Variants in YIPF2 observed in about 807,000 individuals in gnomAD.
The protein encoded by YIPF2 is protein YIPF2.
A neutral mutation model predicts 38.8 loss-of-function variants in YIPF2; 30 were observed. The ratio of observed to expected loss-of-function variants is 0.77; its 90% CI spans 0.58 to 1.05. YIPF2 has a LOEUF of 1.05. Among genes scored for constraint, YIPF2 ranks in the 50% least tolerant of loss-of-function variants. YIPF2 has a pLI of 0.00. For synonymous variants in YIPF2, 194 were observed against 183.8 expected (o/e 1.06, Z -0.45); for missense variants, 401 against 409.7 (o/e 0.98, Z 0.18).
chr19:10,926,228 C>CT (rs900323730), intron 4 of YIPF2, among the ~76,000 whole-genome samples: 71 of 135,492 alleles, frequency 5.2e-4, no homozygotes, highest in East Asian at 6.6e-4. Flanking sequence ...TTTTTTCCCT[C>CT]TTTTTTTTTT....
chr19:10,924,702 C>G (rs902922520), intron 5 of YIPF2, among the ~76,000 whole-genome samples: 3 of 152,098 alleles, frequency 2.0e-5, no homozygotes, highest in African/African-American at 7.2e-5. Flanking sequence ...GCAACTCTAT[C>G]CATCCCGTTA....
chr19:10,925,905 C>CTTT (rs1164644174), intron 4 of YIPF2, 132 bp from the exon 5 acceptor site: 679 of 433,286 alleles, frequency 1.6e-3, no homozygotes, highest in Middle Eastern at 3.5e-3. Context: ...CTTTCCCTCT[C>CTTT]TTTTTTTTTT....
rs747663909 is a variant in YIPF2, at chr19:10,927,624, C to A, written c.279+6G>T. On this transcript the variant is annotated splice_donor_region_variant and intron_variant, in intron 4 of 9. Coordinates refer to ENST00000586748, the MANE Select transcript of YIPF2 (RefSeq NM_001321439.2). The stretch of plus-strand genomic sequence containing the variant: ...AGCCCCATCCCACCTGCCTCCCCAG[C>A]CTGACCTGTGAGGTGTCCACGTCAA... 2.0e-5 allele frequency: 32 copies of A among 1,613,540 alleles called. No homozygotes were observed. Among genetic ancestry groups the A allele is most frequent in the Non-Finnish European group, 2.5e-5 (29 of 1,179,830 alleles).
In YIPF2 at chr19:10,923,325, G is replaced by T; in HGVS notation, c.917C>A (p.Ser306Tyr). The change falls in exon 9 of 10, where the codon TCC becomes TAC. Residue 306 changes from serine (S) to tyrosine (Y), a missense_variant. Coordinates refer to ENST00000586748, the MANE Select transcript of YIPF2 (RefSeq NM_001321439.2). ...GGCCAGGGACTGCGGCAAGGTAGGG[G>T]ACAGCGCGATGTTTGAGGGCAGAGA... is the stretch of plus-strand genomic sequence containing the variant. ...ITSLPSNIAL[S>Y]PTLPQSLAPS The T allele has an allele frequency of 6.2e-7, 1 of 1,613,054 alleles. No individual in the cohort carries two copies.
In YIPF2 at chr19:10,922,414, C is replaced by T. The variant is rs2074270496; in HGVS notation, c.*780G>A. Reference sequence around the variant, plus strand: ...ACCCCACTGTCGGGAAGGCCTCCGTCCTCGGCCCCTGCCTCTTGCTGCTGT... The same window carrying T: ...ACCCCACTGTCGGGAAGGCCTCCGTTCTCGGCCCCTGCCTCTTGCTGCTGT... On this transcript the variant is annotated 3_prime_UTR_variant, in exon 10 of 10. Transcript: ENST00000586748. The T allele has an allele frequency of 6.5e-6, 1 of 152,844 alleles. No individual in the cohort carries two copies. Among genetic ancestry groups the T allele is most frequent in the Non-Finnish European group, 1.5e-5 (1 of 68,260 alleles). The allele number at this position is 152,844 out of a possible 1,614,324, so 9.5% of individuals were successfully genotyped here.
chr19:10,928,420 G>T lies in YIPF2; in HGVS notation c.-10C>A. 7.5e-7 allele frequency: 1 copy of T among 1,338,610 alleles called. No homozygotes were observed. The highest frequency in any genetic ancestry group is 1.5e-5 in the African/African-American group (1 of 65,258). 82.9% of individuals were successfully genotyped at this position (1,338,610 alleles called of 1,614,324 possible). ...CGTCGGCCGATGCCATGGTCGTTCA[G>T]GGGCGTCTCCGCATCCCTCGCTGAG... On this transcript the variant is annotated 5_prime_UTR_variant, in exon 2 of 10. It adds an upstream start codon to the 5' untranslated region. Coordinates refer to ENST00000586748, the MANE Select transcript of YIPF2 (RefSeq NM_001321439.2).
At position 10,923,856 on chromosome 19, in the gene YIPF2, G is replaced by C. The variant is rs896975333; in HGVS notation, c.628C>G (p.Leu210Val). 6.2e-7 allele frequency: 1 copy of C among 1,612,990 alleles called. No homozygotes were observed. The highest frequency in any genetic ancestry group is 1.3e-5 in the African/African-American group (1 of 74,880). Residue 210 changes from leucine to valine, a missense_variant, in exon 7 of 10, where the codon CTC becomes GTC. By Grantham distance (32) the Leu-to-Val change is conservative (BLOSUM62 1). Coordinates refer to ENST00000586748, the MANE Select transcript of YIPF2 (RefSeq NM_001321439.2). ...ACCACCATGGGGATGAAGACAAAGAGGGAGTAGCCGTAGATGCACACAGTC... is the reference window on the plus strand; with the variant it reads ...ACCACCATGGGGATGAAGACAAAGACGGAGTAGCCGTAGATGCACACAGTC... ...LETVCIYGYS[L>V]FVFIPMVVLW...
chr19:10,927,845 C>G lies in YIPF2; in HGVS notation c.146G>C (p.Ser49Thr). 1 of 1,610,728 alleles carries G rather than the reference C, an allele frequency of 6.2e-7. No individual in the cohort carries two copies. The highest frequency in any genetic ancestry group is 8.5e-7 in the Non-Finnish European group (1 of 1,177,736). ...CTCCACCTCATCCTCGGCTCCATAG[C>G]TGCCACCTGAGCCCACGGCCACAGC... ...HVAVAVGSGG[S>T]YGAEDEVEEE... Residue 49 changes from serine (S) to threonine (T), a missense_variant, in exon 3 of 10, where the codon AGC becomes ACC. Transcript: ENST00000586748.
intron 2 of YIPF2, 57 bp from the exon 3 acceptor site, chr19:10,928,016 G>C: frequency 1.3e-6 from 2 of 1,566,710 alleles, no homozygotes; most frequent in Non-Finnish European, 1.7e-6. Flanking sequence ...GAACTCGACT[G>C]GGCCCAAGCT....
At chr19:10,925,637 A>G in intron 5 of YIPF2, 49 bp downstream of exon 5, 3 of 1,608,536 alleles carry the variant, frequency 1.9e-6, no homozygotes, top group Non-Finnish European at 2.6e-6. Flanking sequence ...AACTCAGGCC[A>G]CACTTGTTGA....
chr19:10,925,549 G>T, intron 5 of YIPF2, 137 bp downstream of exon 5: 2 of 1,040,366 alleles, frequency 1.9e-6, no homozygotes, highest in Non-Finnish European at 2.8e-6. Context: ...AGTCCTTCAT[G>T]TCTCTGTCTC....
rs753889017 is a variant in YIPF2, at chr19:10,923,519, G to A, written c.810C>T (p.His270=). The A allele has an allele frequency of 1.4e-5, 22 of 1,612,518 alleles. No individual in the cohort carries two copies. Among genetic ancestry groups the A allele is most frequent in the East Asian group, 8.9e-5 (4 of 44,888 alleles). Residue 270 remains histidine, a synonymous_variant, in exon 8 of 10, where the codon CAC becomes CAT. Transcript: ENST00000586748. ...TVLLSVVVLL[H]ALLAMGCKLY... is the part of the protein sequence containing the mutation. Reference sequence around the variant, plus strand: ...CCTTACAGCCCATGGCCAGGAGGGCGTGGAGCAGCACGACCACGGACAGCA... The same window carrying A: ...CCTTACAGCCCATGGCCAGGAGGGCATGGAGCAGCACGACCACGGACAGCA...
rs1225827621 is a variant in YIPF2 at position 10,922,602 on chromosome 19, T to G, written c.*592A>C. ...GGAAGGCGTCCTTTTTCCTTGTAGC[T>G]AACGTTAGGCCTGAGTAGCTCCCCT... is the stretch of plus-strand genomic sequence containing the variant. On this transcript the variant is annotated 3_prime_UTR_variant, in exon 10 of 10. Coordinates refer to ENST00000586748, the MANE Select transcript of YIPF2 (RefSeq NM_001321439.2). The G allele has an allele frequency of 6.6e-6, 1 of 152,172 alleles. No individual in the cohort carries two copies. The highest frequency in any genetic ancestry group is 2.4e-5 in the African/African-American group (1 of 41,388). 9.4% of individuals were successfully genotyped at this position (152,172 alleles called of 1,614,324 possible).
Position 10,923,261 on chromosome 19 carries a change from A to G in YIPF2, c.*19+11T>C, listed in dbSNP as rs1323312314. ...GGCAGCCCCCTTAGCCCAGCTGGGA[A>G]TAGTCCTTACCTGTGGGACCCGGGC... On this transcript the variant is annotated intron_variant, in intron 9 of 9. Coordinates refer to ENST00000586748, the MANE Select transcript of YIPF2 (RefSeq NM_001321439.2). 3 of 1,582,264 alleles carry G rather than the reference A, an allele frequency of 1.9e-6. No individual in the cohort carries two copies. Among genetic ancestry groups the G allele is most frequent in the Admixed American group, 1.9e-5 (1 of 51,558 alleles).
chr19:10,925,251 C>G (rs1239776140), intron 5 of YIPF2, among the ~76,000 whole-genome samples: 1 of 151,400 alleles, frequency 6.6e-6, no homozygotes, highest in African/African-American at 2.4e-5. Context: ...AAAAAAAGAT[C>G]TCTTCTTGCC....
In YIPF2 at chr19:10,923,130, C is replaced by G; in HGVS notation, c.*64G>C. The G allele has an allele frequency of 7.9e-6, 5 of 632,408 alleles. No individual in the cohort carries two copies. The allele number at this position is 632,408 out of a possible 1,614,324, so 39.2% of individuals were successfully genotyped here. ...TGTCAAAGGAGCCTTCAGTCATCGT[C>G]TGGGGGGCAGGACAGGCAGAGGGGT... On this transcript the variant is annotated 3_prime_UTR_variant, in exon 10 of 10. Transcript: ENST00000586748.
At position 10,928,529 on chromosome 19, in the gene YIPF2, C is replaced by T. The variant is rs960231066; in HGVS notation, c.-49G>A. On this transcript the variant is annotated 5_prime_UTR_variant, in exon 1 of 10. Transcript: ENST00000586748. ...GCCCTACCTGGCGACCAACTGCACCCACGGAGGCTTGAACTCGTCGTCCCG... is the reference window on the plus strand; with the variant it reads ...GCCCTACCTGGCGACCAACTGCACCTACGGAGGCTTGAACTCGTCGTCCCG... 1.6e-4 allele frequency: 209 copies of T among 1,277,300 alleles called. No homozygotes were observed. The highest frequency in any genetic ancestry group is 2.0e-4 in the Non-Finnish European group (197 of 984,570). The allele number at this position is 1,277,300 out of a possible 1,614,324, so 79.1% of individuals were successfully genotyped here.
chr19:10,928,440 G>A lies in YIPF2; in HGVS notation c.-30C>T, dbSNP rs770930521. On this transcript the variant is annotated splice_region_variant and 5_prime_UTR_variant, in exon 2 of 10. Coordinates refer to ENST00000586748, the MANE Select transcript of YIPF2 (RefSeq NM_001321439.2). ...GTTCAGGGGCGTCTCCGCATCCCTC[G>A]CTGAGGACAGAGACCGGTCAGGCAC... 7.5e-7 allele frequency: 1 copy of A among 1,340,926 alleles called. No individual in the cohort carries two copies. Among genetic ancestry groups the A allele is most frequent in the East Asian group, 3.0e-5 (1 of 32,854 alleles). 83.1% of individuals were successfully genotyped at this position (1,340,926 alleles called of 1,614,324 possible). A position where few individuals can be genotyped will look rare whatever the true frequency, so the allele number is the denominator to read the frequency against.
At chr19:10,927,432 C>T (rs138196178) in intron 4 of YIPF2, among the ~76,000 whole-genome samples, 198 bp downstream of exon 4, 66 of 152,326 alleles carry the variant, frequency 4.3e-4, no homozygotes, top group Middle Eastern at 6.8e-3. Context: ...CCCCAGGAGG[C>T]CTTTCTCTAA....
Sources: gnomAD v4.1 joint callset for allele counts (sites outside exome capture counted in the v4.1 genomes callset) on GRCh38, gnomAD v4.1.1 for gene constraint, MANE v1.5 for transcripts, NCBI Gene and HGNC (gene_info 2026-07-23, HGNC 2026-07-21) for gene names.